CTNND2: variants seen among roughly 807,000 people sequenced by gnomAD.
The protein encoded by CTNND2 is catenin delta-2.
A neutral mutation model predicts 144.4 loss-of-function variants in CTNND2; 22 were observed. The ratio of observed to expected loss-of-function variants is 0.15; its 90% CI spans 0.11 to 0.22. The LOEUF is 0.22. Among genes scored for constraint, CTNND2 ranks in the 10% least tolerant of loss-of-function variants. The pLI, the probability that CTNND2 is intolerant of heterozygous loss-of-function variation, is 1.00. For synonymous variants in CTNND2, 751 were observed against 695.6 expected (o/e 1.08, Z -1.25); for missense variants, 1,353 against 1,618.8 (o/e 0.84, Z 2.82).
chr5:11,234,894 C>G (rs562494265), intron 10 of CTNND2, among the ~76,000 whole-genome samples: 1 of 152,320 alleles, frequency 6.6e-6, no homozygotes, highest in South Asian at 2.1e-4. Context: ...GCAGGAGTTT[C>G]AACCCGTACA....
chr5:11,744,348 GA>G (rs1158057758), intron 1 of CTNND2, among the ~76,000 whole-genome samples: 1 of 152,200 alleles, frequency 6.6e-6, no homozygotes, highest in Admixed American at 6.5e-5. Flanking sequence ...GTGAAGCAAG[GA>G]AGATGCGCGA....
At chr5:11,264,576 C>T (rs759733862) in intron 9 of CTNND2, among the ~76,000 whole-genome samples, 5 of 152,176 alleles carry the variant, frequency 3.3e-5, no homozygotes, top group Admixed American at 2.6e-4. Flanking sequence ...CAGAAGCCGC[C>T]GTTGTAATCA....
At chr5:11,516,272 G>A (rs1206354947) in intron 3 of CTNND2, among the ~76,000 whole-genome samples, 3 of 151,896 alleles carry the variant, frequency 2.0e-5, no homozygotes, top group Non-Finnish European at 4.4e-5. Flanking sequence ...AATAAGACAA[G>A]GATGTCCACT....
intron 11 of CTNND2, among the ~76,000 whole-genome samples, chr5:11,194,254 C>A (rs563640850): frequency 6.6e-6 from 1 of 152,100 alleles, no homozygotes; most frequent in African/African-American, 2.4e-5. Flanking sequence ...AGATGGCAGG[C>A]ACCTGGGGTG....
chr5:11,423,876 A>T (rs1359560174), intron 3 of CTNND2, among the ~76,000 whole-genome samples: 1 of 152,258 alleles, frequency 6.6e-6, no homozygotes, highest in East Asian at 1.9e-4. Flanking sequence ...CGATTTCACA[A>T]TAAAGAAAAA....
intron 3 of CTNND2, among the ~76,000 whole-genome samples, chr5:11,536,972 T>C (rs560924462): frequency 2.6e-5 from 4 of 152,120 alleles, no homozygotes; most frequent in Non-Finnish European, 5.9e-5. Context: ...ATCTGCAGTA[T>C]TGGTATCTGC....
chr5:11,797,635 G>C (rs1791469251), intron 1 of CTNND2, among the ~76,000 whole-genome samples: 1 of 152,234 alleles, frequency 6.6e-6, no homozygotes, highest in South Asian at 2.1e-4. Flanking sequence ...TTATATCTCT[G>C]AATGTGGAAA....
chr5:11,891,638 G>A (rs957178022), intron 1 of CTNND2, among the ~76,000 whole-genome samples: 1 of 152,214 alleles, frequency 6.6e-6, no homozygotes, highest in African/African-American at 2.4e-5. Context: ...GCCATGTGAG[G>A]AAAGAGCAGG....
intron 11 of CTNND2, among the ~76,000 whole-genome samples, chr5:11,192,439 A>T (rs1017881419): frequency 3.3e-5 from 5 of 152,246 alleles, no homozygotes; most frequent in Non-Finnish European, 7.4e-5. Context: ...TACATGGCAA[A>T]AGGGGCTTGC....
chr5:11,360,224 T>C (rs972920145), intron 8 of CTNND2, among the ~76,000 whole-genome samples: 3 of 152,092 alleles, frequency 2.0e-5, no homozygotes, highest in Non-Finnish European at 4.4e-5. Context: ...TAGGAAAAGA[T>C]GGTGGTAGGT....
chr5:11,539,983 G>A (rs566369108), intron 3 of CTNND2, among the ~76,000 whole-genome samples: 1 of 152,246 alleles, frequency 6.6e-6, no homozygotes, highest in African/African-American at 2.4e-5. Flanking sequence ...GCAGTGAGCT[G>A]AGGTCGCACC....
At chr5:11,315,416 C>A (rs1184291653) in intron 9 of CTNND2, among the ~76,000 whole-genome samples, 2 of 152,152 alleles carry the variant, frequency 1.3e-5, no homozygotes, top group Non-Finnish European at 2.9e-5. Flanking sequence ...TGTCCCATTT[C>A]TCTAACTTTT....
At chr5:11,170,270 A>G (rs1443368180) in intron 11 of CTNND2, among the ~76,000 whole-genome samples, 1 of 152,172 alleles carries the variant, frequency 6.6e-6, no homozygotes, top group African/African-American at 2.4e-5. Flanking sequence ...ATATGAACAC[A>G]AGAGAATGTT....
At chr5:11,481,679 C>G (rs1265630540) in intron 3 of CTNND2, among the ~76,000 whole-genome samples, 1 of 150,702 alleles carries the variant, frequency 6.6e-6, no homozygotes, top group Non-Finnish European at 1.5e-5. Flanking sequence ...AAGAGAGAGA[C>G]AGAGAGAGAG....
At chr5:11,841,468 T>A (rs1250309247) in intron 1 of CTNND2, among the ~76,000 whole-genome samples, 1 of 152,220 alleles carries the variant, frequency 6.6e-6, no homozygotes, top group South Asian at 2.1e-4. Context: ...TCTAATCACA[T>A]ACTCTTTGCC....
chr5:11,266,310 C>T (rs952831925), intron 9 of CTNND2, among the ~76,000 whole-genome samples: 3 of 152,110 alleles, frequency 2.0e-5, no homozygotes, highest in African/African-American at 4.8e-5. Context: ...AATGGATTCT[C>T]GCCTCATTTC....
At chr5:11,133,169 A>G (rs1191708809) in intron 12 of CTNND2, among the ~76,000 whole-genome samples, 1 of 152,122 alleles carries the variant, frequency 6.6e-6, no homozygotes, top group Non-Finnish European at 1.5e-5. Flanking sequence ...AAGAACACAT[A>G]TATATTTCAT....
chr5:11,835,615 T>C (rs1439042838), intron 1 of CTNND2, among the ~76,000 whole-genome samples: 2 of 152,220 alleles, frequency 1.3e-5, no homozygotes, highest in African/African-American at 2.4e-5. Context: ...TACATAGTAT[T>C]CCCTTACTAT....
chr5:11,878,472 G>A (rs1735720940), intron 1 of CTNND2, among the ~76,000 whole-genome samples: 1 of 152,120 alleles, frequency 6.6e-6, no homozygotes, highest in Non-Finnish European at 1.5e-5. Flanking sequence ...AAATCTTCAG[G>A]ATAGATCAAT....
Sources: gnomAD v4.1 joint callset for allele counts (sites outside exome capture counted in the v4.1 genomes callset) on GRCh38, gnomAD v4.1.1 for gene constraint, MANE v1.5 for transcripts, NCBI Gene and HGNC (gene_info 2026-07-23, HGNC 2026-07-21) for gene names.